Variants in C10orf67 observed in about 807,000 individuals in gnomAD.
C10orf67 encodes uncharacterized protein C10orf67, mitochondrial.
Under a neutral mutation model 35.6 loss-of-function variants are expected in C10orf67, and 60 were observed. That is an observed-to-expected ratio of 1.68 (90% confidence interval 1.37 to 2.09). The LOEUF (loss-of-function observed/expected upper bound fraction) is 2.09, where lower values mean the gene tolerates loss of function less well. C10orf67 is among the 30% of genes most tolerant of loss of function. C10orf67 has a pLI of 0.00. For missense variants in C10orf67, 474 were observed against 330.2 expected (o/e 1.44, Z -3.38); for synonymous variants, 167 against 115.8 (o/e 1.44, Z -2.84).
intron 7 of C10orf67, among the ~76,000 whole-genome samples, chr10:23,288,846 C>A (rs907800774): frequency 2.0e-5 from 3 of 152,134 alleles, no homozygotes; most frequent in African/African-American, 7.2e-5. Context: ...TGTGAATCTG[C>A]TTGTTTATCT....
At chr10:23,256,674 A>G (rs1408087537) in intron 10 of C10orf67, among the ~76,000 whole-genome samples, 1 of 151,126 alleles carries the variant, frequency 6.6e-6, no homozygotes, top group African/African-American at 2.4e-5. Context: ...GCTTGCACTC[A>G]CTCACAAGTT....
intron 10 of C10orf67, among the ~76,000 whole-genome samples, chr10:23,264,027 T>C (rs530607171): frequency 1.3e-5 from 2 of 152,320 alleles, no homozygotes; most frequent in South Asian, 4.1e-4. Flanking sequence ...GTATGATTAA[T>C]TAGATACGTT....
At chr10:23,218,024 G>A (rs905644226) in intron 15 of C10orf67, among the ~76,000 whole-genome samples, 5 of 152,260 alleles carry the variant, frequency 3.3e-5, no homozygotes, top group African/African-American at 1.2e-4. Flanking sequence ...GTTACAGAGA[G>A]AGCCTCTTAT....
At chr10:23,270,405 C>G (rs1224833769) in intron 8 of C10orf67, among the ~76,000 whole-genome samples, 2 of 152,182 alleles carry the variant, frequency 1.3e-5, no homozygotes, top group African/African-American at 4.8e-5. Flanking sequence ...CCCATACCAC[C>G]AGGGCCCTGG....
In C10orf67 at chr10:23,215,934, T is replaced by C. The variant is rs557247169; in HGVS notation, c.1570+7664A>G. Reference sequence around the variant, plus strand: ...TTATAAAAACTTTCAGCGCCTGCTATAGAAGAGAACTTTAGTGACTTGATT... The same window carrying C: ...TTATAAAAACTTTCAGCGCCTGCTACAGAAGAGAACTTTAGTGACTTGATT... On this transcript the variant is annotated intron_variant, in intron 15 of 15. Coordinates refer to ENST00000636213, the MANE Select transcript of C10orf67 (RefSeq NM_001371909.1). Among the ~76,000 whole-genome samples, 179 of 152,318 alleles carry C rather than the reference T, an allele frequency of 1.2e-3. 1 individual carries two copies. Among genetic ancestry groups the C allele is most frequent in the African/African-American group, 4.1e-3 (171 of 41,586 alleles).
intron 5 of C10orf67, among the ~76,000 whole-genome samples, chr10:23,294,059 T>C (rs1266395617): frequency 6.6e-6 from 1 of 152,202 alleles, no homozygotes; most frequent in Non-Finnish European, 1.5e-5. Context: ...CTCCATTGAA[T>C]TGGACATCTC....
At chr10:23,231,619 C>T (rs1421214452) in intron 13 of C10orf67, among the ~76,000 whole-genome samples, 1 of 152,140 alleles carries the variant, frequency 6.6e-6, no homozygotes, top group Non-Finnish European at 1.5e-5. Context: ...AGTGAACTTA[C>T]CAGTACTCTT....
intron 12 of C10orf67, among the ~76,000 whole-genome samples, chr10:23,247,881 T>G (rs1035914442): frequency 6.6e-6 from 1 of 152,212 alleles, no homozygotes. Flanking sequence ...TTTCTTTACC[T>G]GTGTGGTGAG....
At chr10:23,238,964 T>A (rs1381804623) in intron 13 of C10orf67, among the ~76,000 whole-genome samples, 3 of 152,050 alleles carry the variant, frequency 2.0e-5, no homozygotes, top group Non-Finnish European at 4.4e-5. Context: ...ATTTAGAAAA[T>A]GGTCTTAAAG....
chr10:23,313,377 G>A (rs1844569154), intron 4 of C10orf67, among the ~76,000 whole-genome samples: 1 of 152,200 alleles, frequency 6.6e-6, no homozygotes, highest in African/African-American at 2.4e-5. Context: ...TTTATTCTAG[G>A]AAATTTCCAC....
At chr10:23,341,522 G>A (rs965854157) in intron 1 of C10orf67, among the ~76,000 whole-genome samples, 4 of 152,106 alleles carry the variant, frequency 2.6e-5, no homozygotes, top group African/African-American at 7.2e-5. Context: ...CTAAACAGCC[G>A]TCAGAGTAAT....
intron 13 of C10orf67, among the ~76,000 whole-genome samples, chr10:23,224,489 A>G (rs781043958): frequency 2.0e-5 from 3 of 152,256 alleles, no homozygotes; most frequent in Admixed American, 6.5e-5. Context: ...CTCCAAAGGA[A>G]CTCAGCTCCT....
At chr10:23,281,522 T>G (rs1588647733) in intron 8 of C10orf67, among the ~76,000 whole-genome samples, 1 of 149,974 alleles carries the variant, frequency 6.7e-6, no homozygotes, top group Non-Finnish European at 1.5e-5. Flanking sequence ...GTGGCGGGGC[T>G]GGGGGCTGGG....
At chr10:23,278,179 C>T (rs1294676786) in intron 8 of C10orf67, among the ~76,000 whole-genome samples, 1 of 152,108 alleles carries the variant, frequency 6.6e-6, no homozygotes, top group Non-Finnish European at 1.5e-5. Flanking sequence ...GAACACACAT[C>T]CAAACTGTAT....
Position 23,321,516 on chromosome 10 carries a change from A to C in C10orf67, c.472-701T>G, listed in dbSNP as rs529702119. Among the ~76,000 whole-genome samples, 19 of 152,250 alleles carry C rather than the reference A, an allele frequency of 1.2e-4. No individual in the cohort carries two copies. The South Asian group carries it at 3.7e-3, about 30-fold the overall frequency. On this transcript the variant is annotated intron_variant, in intron 3 of 15. Coordinates refer to ENST00000636213, the MANE Select transcript of C10orf67 (RefSeq NM_001371909.1). Reference sequence around the variant, plus strand: ...CCTGAGCCATCGCCTCCCAGCCTCAAATAGGCTTTAGAGTCAGATGGTATT... The same window carrying C: ...CCTGAGCCATCGCCTCCCAGCCTCACATAGGCTTTAGAGTCAGATGGTATT...
intron 8 of C10orf67, among the ~76,000 whole-genome samples, chr10:23,280,750 G>C (rs1843343240): frequency 6.6e-6 from 1 of 152,202 alleles, no homozygotes; most frequent in Non-Finnish European, 1.5e-5. Flanking sequence ...AAGGCTTACA[G>C]TTAAAATAAA....
chr10:23,271,555 C>G (rs1843024150), intron 8 of C10orf67, among the ~76,000 whole-genome samples: 1 of 152,178 alleles, frequency 6.6e-6, no homozygotes. Context: ...AATAAGAGTT[C>G]TAGTTGCTCC....
At position 23,307,494 on chromosome 10, in the gene C10orf67, G is replaced by GA. The variant is rs1267611715; in HGVS notation, c.547-4036dup. Among the ~76,000 whole-genome samples the GA allele has an allele frequency of 2.6e-5, 4 of 151,460 alleles. No homozygotes were observed. The South Asian group carries it at 6.2e-4, about 24-fold the overall frequency. The stretch of plus-strand genomic sequence containing the variant: ...AGCACTGGCATAATCTATACAGTAT[G>GA]AAAAAATGAATGTACAGTAGAATTA... On this transcript the variant is annotated intron_variant, in intron 4 of 15. Coordinates refer to ENST00000636213, the MANE Select transcript of C10orf67 (RefSeq NM_001371909.1).
At chr10:23,242,566 T>C (rs1842211666) in intron 12 of C10orf67, among the ~76,000 whole-genome samples, 1 of 151,918 alleles carries the variant, frequency 6.6e-6, no homozygotes, top group Non-Finnish European at 1.5e-5. Flanking sequence ...CAAACAACAA[T>C]AGCAACCTTT....
Sources: allele counts gnomAD v4.1 joint callset (sites outside exome capture counted in the v4.1 genomes callset), GRCh38; gene constraint gnomAD v4.1.1; transcripts MANE v1.5; gene names NCBI Gene and HGNC (gene_info 2026-07-23, HGNC 2026-07-21).